TEAD1: variants seen among roughly 807,000 people sequenced by gnomAD.
TEAD1 encodes the protein TEA domain transcription factor 1.
In TEAD1, 9 loss-of-function variants were observed where a neutral mutation model predicts 54.9. That is an observed-to-expected ratio of 0.16 (90% CI 0.10 to 0.29). The LOEUF is 0.29. Ranked by LOEUF, TEAD1 falls within the 10% of genes least tolerant of loss-of-function variation. The pLI is 1.00. For synonymous variants in TEAD1, 200 were observed against 187.8 expected (o/e 1.07, Z -0.53); for missense variants, 387 against 535.9 (o/e 0.72, Z 2.74).
At chr11:12,930,113 T>C (rs1227192172) in intron 11 of TEAD1, 61 bp from the exon 12 acceptor site, 6 of 1,601,810 alleles carry the variant, frequency 3.7e-6, no homozygotes, top group Non-Finnish European at 5.1e-6. Flanking sequence ...GGCAGTAATA[T>C]CTGTTTCATG....
chr11:12,791,616 A>G (rs1945804118), intron 3 of TEAD1, among the ~76,000 whole-genome samples: 1 of 152,166 alleles, frequency 6.6e-6, no homozygotes, highest in Non-Finnish European at 1.5e-5. Context: ...GGAACATCTT[A>G]GAGTTGTCTA....
chr11:12,893,882 T>C (rs1312115872), intron 9 of TEAD1, among the ~76,000 whole-genome samples: 1 of 152,152 alleles, frequency 6.6e-6, no homozygotes, highest in Non-Finnish European at 1.5e-5. Context: ...AGATTCACTT[T>C]CTCCTGGGCA....
At chr11:12,722,866 T>C (rs1358502031) in intron 2 of TEAD1, among the ~76,000 whole-genome samples, 1 of 152,204 alleles carries the variant, frequency 6.6e-6, no homozygotes, top group Non-Finnish European at 1.5e-5. Context: ...CTTAAGTAAA[T>C]GCTTTCCAAA....
chr11:12,772,301 A>G (rs1370167742), intron 3 of TEAD1, among the ~76,000 whole-genome samples: 2 of 152,196 alleles, frequency 1.3e-5, no homozygotes, highest in African/African-American at 2.4e-5. Context: ...TTTTTCTAGG[A>G]CAGGGGAGAC....
intron 3 of TEAD1, among the ~76,000 whole-genome samples, chr11:12,845,396 A>G (rs148064946): frequency 0.012 from 1,903 of 152,308 alleles, 35 homozygotes; most frequent in South Asian, 0.055. Flanking sequence ...GTGTGTGCGC[A>G]CACGCACACA....
intron 9 of TEAD1, among the ~76,000 whole-genome samples, chr11:12,893,732 A>C (rs1274222157): frequency 6.6e-6 from 1 of 152,090 alleles, no homozygotes; most frequent in Non-Finnish European, 1.5e-5. Flanking sequence ...TCCCGGAAGG[A>C]GGCATTCACT....
chr11:12,934,798 T>C (rs1949070957), intron 12 of TEAD1, among the ~76,000 whole-genome samples: 1 of 152,146 alleles, frequency 6.6e-6, no homozygotes, highest in Admixed American at 6.5e-5. Flanking sequence ...CCTTCTGGGA[T>C]ACAATGCAAA....
chr11:12,769,988 GA>G (rs998399135), intron 3 of TEAD1, among the ~76,000 whole-genome samples: 35 of 151,980 alleles, frequency 2.3e-4, no homozygotes, highest in African/African-American at 8.0e-4. Flanking sequence ...AAAAAAGAAG[GA>G]AAAAAAGAGG....
intron 3 of TEAD1, among the ~76,000 whole-genome samples, chr11:12,836,024 A>G (rs376817775): frequency 6.6e-6 from 1 of 152,336 alleles, no homozygotes; most frequent in East Asian, 1.9e-4. Context: ...ATGAGGTGGC[A>G]GATGTGTTAA....
intron 2 of TEAD1, among the ~76,000 whole-genome samples, chr11:12,718,660 G>T (rs1303763620): frequency 1.3e-5 from 2 of 151,994 alleles, no homozygotes; most frequent in Non-Finnish European, 2.9e-5. Flanking sequence ...TTGTATAAGG[G>T]TATTATTTCT....
chr11:12,823,390 C>G (rs973870507), intron 3 of TEAD1: 1 of 152,122 alleles, frequency 6.6e-6, no homozygotes, highest in Non-Finnish European at 1.5e-5. Context: ...AACAACGTAC[C>G]TCAGTGAGGT....
intron 3 of TEAD1, among the ~76,000 whole-genome samples, chr11:12,834,009 T>A (rs963214360): frequency 1.5e-4 from 23 of 152,340 alleles, no homozygotes; most frequent in African/African-American, 5.1e-4. Context: ...TTTATGGAAT[T>A]GAGTTGCAAT....
At chr11:12,675,379 AG>A (rs1042812133) in intron 1 of TEAD1, 29 bp from the exon 2 acceptor site, 5 of 152,240 alleles carry the variant, frequency 3.3e-5, no homozygotes, top group African/African-American at 1.2e-4. Context: ...AAGATGAAAA[AG>A]GGCACGGTCG....
At chr11:12,702,475 A>G (rs953609663) in intron 2 of TEAD1, among the ~76,000 whole-genome samples, 1 of 152,140 alleles carries the variant, frequency 6.6e-6, no homozygotes, top group Non-Finnish European at 1.5e-5. Context: ...CCTCAGGACA[A>G]TGCCGAGAGT....
In TEAD1 at chr11:12,687,521, A is replaced by G. The variant is rs560866872; in HGVS notation, c.-55+11960A>G. Among the ~76,000 whole-genome samples the G allele has an allele frequency of 5.3e-5, 8 of 152,352 alleles. No homozygotes were observed. The South Asian group carries it at 1.7e-3, about 32-fold the overall frequency. On this transcript the variant is annotated intron_variant, in intron 2 of 12. Coordinates refer to ENST00000527636, the MANE Select transcript of TEAD1 (RefSeq NM_021961.6). ...ACCAGTTCTTTATCTGTGTGACTCC[A>G]CAGCTGTCAGGCTAACAAAGGACTG... is the stretch of plus-strand genomic sequence containing the variant.
At chr11:12,908,883 G>GTTTTTGTTTTTTTGTTTTTTTTT in intron 10 of TEAD1, among the ~76,000 whole-genome samples, 1 of 99,662 alleles carries the variant, frequency 1.0e-5, no homozygotes, top group African/African-American at 3.2e-5. Flanking sequence ...CAAATTATCT[G>GTTTTTGTTTTTTTGTTTTTTTTT]TTTTTTTTTT....
chr11:12,857,890 G>C (rs961681323), intron 3 of TEAD1, among the ~76,000 whole-genome samples: 7 of 152,122 alleles, frequency 4.6e-5, no homozygotes, highest in Admixed American at 4.6e-4. Context: ...TTTGAGACCA[G>C]CCTGGGCAAC....
At chr11:12,919,697 C>T (rs1470846390) in intron 10 of TEAD1, among the ~76,000 whole-genome samples, 3 of 151,896 alleles carry the variant, frequency 2.0e-5, no homozygotes, top group Non-Finnish European at 2.9e-5. Context: ...ATGGCATCTC[C>T]CTATGTTGCC....
intron 3 of TEAD1, among the ~76,000 whole-genome samples, chr11:12,775,681 G>T (rs1945402076): frequency 6.6e-6 from 1 of 152,086 alleles, no homozygotes; most frequent in Non-Finnish European, 1.5e-5. Flanking sequence ...TTCGTTGGGA[G>T]GATCCTAGAA....
Sources: gnomAD v4.1 joint callset for allele counts (sites outside exome capture counted in the v4.1 genomes callset) on GRCh38, gnomAD v4.1.1 for gene constraint, MANE v1.5 for transcripts, NCBI Gene and HGNC (gene_info 2026-07-23, HGNC 2026-07-21) for gene names.